PALM2AKAP2: variants seen among roughly 807,000 people sequenced by gnomAD.
The protein encoded by PALM2AKAP2 is PALM2-AKAP2 fusion protein.
A neutral mutation model predicts 71.5 loss-of-function variants in PALM2AKAP2; 37 were observed. The ratio of observed to expected loss-of-function variants is 0.52; its 90% CI spans 0.40 to 0.68. PALM2AKAP2 has a LOEUF of 0.68. Ranked by LOEUF, PALM2AKAP2 falls within the 30% of genes least tolerant of loss-of-function variation. PALM2AKAP2 has a pLI of 0.00. For missense variants in PALM2AKAP2, 1,224 were observed against 1,191.8 expected (o/e 1.03, Z -0.40); for synonymous variants, 468 against 478.8 (o/e 0.98, Z 0.29).
At chr9:109,901,049 C>A (rs1437702630) in intron 3 of PALM2AKAP2, among the ~76,000 whole-genome samples, 1 of 152,156 alleles carries the variant, frequency 6.6e-6, no homozygotes, top group Non-Finnish European at 1.5e-5. Context: ...TGAGATGGAG[C>A]AAATGTACCT....
At chr9:109,983,871 A>G (rs948258070) in intron 6 of PALM2AKAP2, among the ~76,000 whole-genome samples, 5 of 152,176 alleles carry the variant, frequency 3.3e-5, no homozygotes, top group Non-Finnish European at 7.3e-5. Context: ...ACTTAAAAAA[A>G]AAAAGAAAAG....
intron 1 of PALM2AKAP2, among the ~76,000 whole-genome samples, chr9:109,655,707 A>G (rs986528791): frequency 6.6e-6 from 1 of 152,086 alleles, no homozygotes. Flanking sequence ...TTGTGTCTGG[A>G]TAATTTCACT....
chr9:109,926,407 C>G (rs765849616), intron 5 of PALM2AKAP2, among the ~76,000 whole-genome samples: 5 of 152,108 alleles, frequency 3.3e-5, no homozygotes, highest in South Asian at 2.1e-4. Context: ...CTAGCAAGGA[C>G]TCTAGGAAAA....
intron 6 of PALM2AKAP2, among the ~76,000 whole-genome samples, chr9:109,973,288 T>C (rs1313237827): frequency 2.6e-5 from 4 of 152,222 alleles, no homozygotes; most frequent in Admixed American, 1.3e-4. Context: ...ACAGGCACTG[T>C]ATACCAGTTG....
intron 1 of PALM2AKAP2, among the ~76,000 whole-genome samples, chr9:109,676,376 A>G (rs529243765): frequency 2.6e-5 from 4 of 152,338 alleles, no homozygotes; most frequent in African/African-American, 9.6e-5. Flanking sequence ...AGTAGCGTAG[A>G]TGGAGGCACC....
chr9:110,029,557 G>C (rs1301768720), intron 7 of PALM2AKAP2, among the ~76,000 whole-genome samples: 1 of 152,168 alleles, frequency 6.6e-6, no homozygotes, highest in East Asian at 1.9e-4. Flanking sequence ...TGATGCTAAA[G>C]CTCTAGAAAC....
intron 1 of PALM2AKAP2, among the ~76,000 whole-genome samples, chr9:109,708,431 T>C (rs531717223): frequency 9.1e-4 from 139 of 152,318 alleles, no homozygotes; most frequent in Non-Finnish European, 1.6e-3. Flanking sequence ...ACAATGATGA[T>C]TTTGGAAACA....
At chr9:109,939,580 T>C (rs1831312215) in intron 6 of PALM2AKAP2, among the ~76,000 whole-genome samples, 1 of 152,268 alleles carries the variant, frequency 6.6e-6, no homozygotes, top group African/African-American at 2.4e-5. Context: ...TCCTTATTTA[T>C]AACTGTGTCC....
At chr9:110,165,852 G>A (rs1836721454) in intron 3 of PALM2AKAP2, among the ~76,000 whole-genome samples, 1 of 152,190 alleles carries the variant, frequency 6.6e-6, no homozygotes, top group Non-Finnish European at 1.5e-5. Flanking sequence ...TAGATGGCTT[G>A]TAACAAGAGT....
intron 1 of PALM2AKAP2, among the ~76,000 whole-genome samples, chr9:110,084,720 C>G (rs976602482): frequency 6.6e-6 from 1 of 152,024 alleles, no homozygotes. Context: ...TGCTACCATA[C>G]TTTGTTTGTT....
At chr9:109,983,793 A>G (rs1277122305) in intron 6 of PALM2AKAP2, among the ~76,000 whole-genome samples, 1 of 151,950 alleles carries the variant, frequency 6.6e-6, no homozygotes, top group Non-Finnish European at 1.5e-5. Flanking sequence ...GGAACATGGG[A>G]GGCAGAGGTT....
chr9:109,947,385 GT>G (rs1198287568), intron 6 of PALM2AKAP2, among the ~76,000 whole-genome samples: 1 of 152,222 alleles, frequency 6.6e-6, no homozygotes, highest in Non-Finnish European at 1.5e-5. Context: ...GGAGCAAAAT[GT>G]TGAGGCCAAG....
rs192811568 is a variant in PALM2AKAP2 at position 110,141,039 on chromosome 9, G to A, written c.2569+2500G>A. Among the ~76,000 whole-genome samples the A allele has an allele frequency of 3.9e-5, 6 of 152,032 alleles. No individual in the cohort carries two copies. The East Asian group carries it at 5.8e-4, about 15-fold the overall frequency. ...GCTTCTCTGTCTCTATCTCTTAATC[G>A]AACCCCTCACCATATTACCTCCAAC... is the stretch of plus-strand genomic sequence containing the variant. On this transcript the variant is annotated intron_variant, in intron 2 of 3. Coordinates refer to ENST00000374525, the Ensembl canonical transcript of PALM2AKAP2.
intron 3 of PALM2AKAP2, among the ~76,000 whole-genome samples, chr9:109,912,558 C>T (rs572955772): frequency 1.5e-4 from 23 of 152,264 alleles, no homozygotes; most frequent in East Asian, 3.9e-4. Context: ...GAAACAAATG[C>T]GCTGTCTTCC....
chr9:110,052,075 T>TGTATTTTTA (rs550589658), intron 1 of PALM2AKAP2, among the ~76,000 whole-genome samples: 1,593 of 152,256 alleles, frequency 0.01, 17 homozygotes, highest in Non-Finnish European at 0.015. Context: ...GCTAATTTTT[T>TGTATTTTTA]GTATTTTTAG....
chr9:110,014,806 GTATATATATATATATATATATATATATA>G (rs34408706), intron 6 of PALM2AKAP2, among the ~76,000 whole-genome samples: 8 of 41,548 alleles, frequency 1.9e-4, no homozygotes, highest in Admixed American at 3.8e-4. Context: ...AAAAAAAAAT[GTATATATATATATATATATATATATATA>G]TATATATATA....
chr9:109,753,100 G>A (rs1027853606), intron 1 of PALM2AKAP2, among the ~76,000 whole-genome samples: 6 of 152,130 alleles, frequency 3.9e-5, no homozygotes, highest in Non-Finnish European at 5.9e-5. Context: ...GAGTTTCCAA[G>A]AGAAAATACC....
At chr9:109,756,915 T>C (rs918845999) in intron 1 of PALM2AKAP2, among the ~76,000 whole-genome samples, 1 of 152,130 alleles carries the variant, frequency 6.6e-6, no homozygotes, top group African/African-American at 2.4e-5. Context: ...AATGATCAAA[T>C]CTGGGTATTT....
chr9:110,047,600 G>T (rs1742378594), upstream of PALM2AKAP2, among the ~76,000 whole-genome samples: 1 of 152,164 alleles, frequency 6.6e-6, no homozygotes, highest in Non-Finnish European at 1.5e-5. Flanking sequence ...CTAACTGAGA[G>T]TGCAAGGGCG....
Sources: gnomAD v4.1 joint callset for allele counts (sites outside exome capture counted in the v4.1 genomes callset) on GRCh38, gnomAD v4.1.1 for gene constraint, MANE v1.5 for transcripts, NCBI Gene and HGNC (gene_info 2026-07-23, HGNC 2026-07-21) for gene names.